Variants in NTRK3 observed in about 807,000 individuals in gnomAD.
NTRK3 encodes the protein neurotrophic receptor tyrosine kinase 3, also known as NT-3 growth factor receptor.
A neutral mutation model predicts 91.7 loss-of-function variants in NTRK3; 24 were observed. The ratio of observed to expected loss-of-function variants is 0.26; its 90% CI spans 0.19 to 0.37. The LOEUF is 0.37. Ranked by LOEUF, NTRK3 falls within the 10% of genes least tolerant of loss-of-function variation. The probability of loss-of-function intolerance (pLI) is 1.00; values close to 1 mark genes in which losing one functional copy is unlikely to be tolerated. For missense variants in NTRK3, 880 were observed against 1,068.9 expected, an observed-to-expected ratio of 0.82 and a Z score of 2.46; for synonymous variants, 483 against 404.0, an observed-to-expected ratio of 1.20 and a Z score of -2.34.
chr15:88,076,672 TAAAAA>T (rs34053167), intron 13 of NTRK3, among the ~76,000 whole-genome samples: 3 of 120,408 alleles, frequency 2.5e-5, no homozygotes, highest in Admixed American at 8.3e-5. Flanking sequence ...TATACATATG[TAAAAA>T]AAAAAAAAAA....
rs577935382 is a variant in NTRK3 at position 88,235,080 on chromosome 15, C to A, written c.248+20826G>T. 6.6e-6 allele frequency among the ~76,000 whole-genome samples: 1 copy of A among 152,316 alleles called. No individual in the cohort carries two copies. Among genetic ancestry groups the A allele is most frequent in the Non-Finnish European group, 1.5e-5 (1 of 68,018 alleles). ...ACGCCCTACCCTTACACAAAGGCAG[C>A]CTCCTCACCTCCCCATCATGCCTCA... On this transcript the variant is annotated intron_variant, in intron 3 of 18. Coordinates refer to ENST00000394480, the Ensembl canonical transcript of NTRK3. The surrounding 1 kb of genome is among the most constrained non-coding windows in gnomAD (Gnocchi z 5.2).
chr15:88,255,870 G>A lies in NTRK3; in HGVS notation c.248+36C>T, dbSNP rs745594399. 6.3e-7 allele frequency: 1 copy of A among 1,581,602 alleles called. No homozygotes were observed. The highest frequency in any genetic ancestry group is 8.6e-7 in the Non-Finnish European group (1 of 1,159,246). ...TGGGCAGGAGGGAGACGCAGAGCGC[G>A]GGGGAGGCAGGCTGGGGAGCGGCCG... On this transcript the variant is annotated intron_variant, in intron 3 of 18. Transcript: ENST00000394480. This position sits in a 1 kb window ranked among gnomAD's most constrained non-coding sequence, Gnocchi z 4.3.
chr15:88,187,292 C>A (rs966205912), intron 3 of NTRK3, among the ~76,000 whole-genome samples: 1 of 152,154 alleles, frequency 6.6e-6, no homozygotes, highest in Non-Finnish European at 1.5e-5. Flanking sequence ...TCAAGGAGTG[C>A]ATAGATGCCA....
At chr15:88,181,936 C>G (rs1038103029) in intron 5 of NTRK3, among the ~76,000 whole-genome samples, 1 of 152,162 alleles carries the variant, frequency 6.6e-6, no homozygotes, top group African/African-American at 2.4e-5. Context: ...AGCTTTTTCC[C>G]TTAGGATGTT....
chr15:88,043,979 A>G (rs187788895), intron 13 of NTRK3, among the ~76,000 whole-genome samples: 154 of 152,280 alleles, frequency 1.0e-3, no homozygotes, highest in African/African-American at 3.5e-3. Flanking sequence ...GAGTCATACC[A>G]TGGCATATTG....
chr15:87,873,027 G>A (rs1323109769), exon 19 of NTRK3: 6 of 232,856 alleles, frequency 2.6e-5, no homozygotes, highest in East Asian at 6.0e-5. Flanking sequence ...GTACTCTCCC[G>A]GCATGGCTGA....
At chr15:88,017,356 C>T (rs16941136) in intron 14 of NTRK3, among the ~76,000 whole-genome samples, 6,177 of 152,252 alleles carry the variant, frequency 0.041, 447 homozygotes, top group African/African-American at 0.14. Flanking sequence ...AAGGAAAAGA[C>T]GGCACCAGAA....
At chr15:88,205,361 C>G (rs978838236) in intron 3 of NTRK3, among the ~76,000 whole-genome samples, 5 of 152,164 alleles carry the variant, frequency 3.3e-5, no homozygotes, top group Admixed American at 1.3e-4. Context: ...GCTCTCAGAC[C>G]CTCCCATCTC....
At chr15:88,062,763 A>C (rs1339060379) in intron 13 of NTRK3, among the ~76,000 whole-genome samples, 3 of 152,212 alleles carry the variant, frequency 2.0e-5, no homozygotes, top group Admixed American at 6.5e-5. Context: ...CTTTATTATC[A>C]TTTCTGTCAT....
intron 16 of NTRK3, among the ~76,000 whole-genome samples, chr15:87,930,137 G>A (rs746740242): frequency 4.6e-5 from 7 of 152,114 alleles, no homozygotes; most frequent in African/African-American, 7.2e-5. Flanking sequence ...CCACCACACC[G>A]CTTAGCACTG....
intron 3 of NTRK3, among the ~76,000 whole-genome samples, chr15:88,208,562 A>AC (rs2048980123): frequency 6.6e-6 from 1 of 152,122 alleles, no homozygotes; most frequent in Non-Finnish European, 1.5e-5. Context: ...AGCTCCCAGG[A>AC]TGGCTGAGGC....
chr15:87,880,975 G>T (rs1275178580), intron 17 of NTRK3, among the ~76,000 whole-genome samples: 3 of 152,214 alleles, frequency 2.0e-5, no homozygotes, highest in Admixed American at 2.0e-4. Context: ...AAGACCACGT[G>T]CTAATAAGGT....
intron 3 of NTRK3, among the ~76,000 whole-genome samples, chr15:88,214,526 C>A (rs1405146425): frequency 6.6e-6 from 1 of 152,112 alleles, no homozygotes; most frequent in Non-Finnish European, 1.5e-5. Context: ...TCCAACACAG[C>A]CACATTCTGA....
intron 14 of NTRK3, among the ~76,000 whole-genome samples, chr15:87,972,579 C>A (rs554247470): frequency 6.6e-6 from 1 of 152,166 alleles, no homozygotes; most frequent in Non-Finnish European, 1.5e-5. Flanking sequence ...TCTTGACTTA[C>A]GCCAAAGGCC....
chr15:87,929,837 A>G (rs2068637242), intron 16 of NTRK3, among the ~76,000 whole-genome samples: 1 of 152,146 alleles, frequency 6.6e-6, no homozygotes, highest in African/African-American at 2.4e-5. Flanking sequence ...TCCCACCCCA[A>G]TTTTGAAATA....
intron 6 of NTRK3, among the ~76,000 whole-genome samples, chr15:88,142,786 C>G (rs1002972256): frequency 6.6e-6 from 1 of 152,200 alleles, no homozygotes; most frequent in African/African-American, 2.4e-5. Flanking sequence ...AAAGATATAT[C>G]CAAGTCCAAA....
At chr15:87,932,967 C>A in intron 16 of NTRK3, 45 bp downstream of exon 16, 1 of 1,607,638 alleles carries the variant, frequency 6.2e-7, no homozygotes, top group Non-Finnish European at 8.5e-7. Context: ...CCCAAGGGTT[C>A]GGTGGGACTG....
At chr15:87,864,010 C>CACAT (rs2064597048) in exon 19 of NTRK3, 2 of 232,162 alleles carry the variant, frequency 8.6e-6, no homozygotes, top group Non-Finnish European at 1.7e-5. Context: ...CACACACACA[C>CACAT]ACACACACAC....
intron 17 of NTRK3, among the ~76,000 whole-genome samples, chr15:87,887,289 A>G (rs1303295730): frequency 6.6e-6 from 1 of 152,224 alleles, no homozygotes; most frequent in Non-Finnish European, 1.5e-5. Context: ...TCTTCCAGGA[A>G]TGGACTATTA....
Sources: gnomAD v4.1 joint callset for allele counts (sites outside exome capture counted in the v4.1 genomes callset) on GRCh38, gnomAD v4.1.1 for gene constraint, Gnocchi (gnomAD v3.1) non-coding constraint, MANE v1.5 for transcripts, NCBI Gene and HGNC (gene_info 2026-07-23, HGNC 2026-07-21) for gene names.